The following FAM241A variants were observed in gnomAD, a reference collection of about 807,000 sequenced individuals.
FAM241A encodes family with sequence similarity 241 member A.
In FAM241A, 7 loss-of-function variants were observed where a neutral mutation model predicts 12.2. The observed-to-expected ratio is 0.58, with a 90% CI of 0.33 to 1.08. The LOEUF is 1.08. Ranked by LOEUF, FAM241A falls within the 50% of genes least tolerant of loss-of-function variation. The probability of loss-of-function intolerance (pLI) is 0.04; values close to 1 mark genes in which losing one functional copy is unlikely to be tolerated. For missense variants in FAM241A, 161 were observed against 169.7 expected, an observed-to-expected ratio of 0.95 and a Z score of 0.29; for synonymous variants, 74 against 68.2, an observed-to-expected ratio of 1.08 and a Z score of -0.42.
chr4:112,176,106 C>T (rs552759887), intron 1 of FAM241A, among the ~76,000 whole-genome samples: 4 of 152,264 alleles, frequency 2.6e-5, no homozygotes, highest in South Asian at 4.1e-4. Flanking sequence ...CCAATATTAA[C>T]GTGCACAAAT....
Position 112,187,085 on chromosome 4 carries a change from C to T in FAM241A, c.*147C>T. 2.5e-6 allele frequency: 2 copies of T among 792,972 alleles called. No homozygotes were observed. Among genetic ancestry groups the T allele is most frequent in the Non-Finnish European group, 2.0e-6 (1 of 491,024 alleles). The allele number at this position is 792,972 out of a possible 1,614,324, so 49.1% of individuals were successfully genotyped here. ...TGTAAGTAAATTTATACATGGATGT[C>T]ACTTAAAACTAAACTCTTGATCATA... On this transcript the variant is annotated 3_prime_UTR_variant, in exon 2 of 2. Transcript: ENST00000309733.
At position 112,179,602 on chromosome 4, in the gene FAM241A, A is replaced by G. The variant is rs1442268876; in HGVS notation, c.154-7091A>G. Among the ~76,000 whole-genome samples the G allele has an allele frequency of 2.0e-5, 3 of 152,178 alleles. No homozygotes were observed. In the East Asian group the frequency reaches 5.8e-4, roughly 29 times the overall value. ...AGGGATAGCATGAGGAGATATATCTAATGTAAATGACGAGTTAATGGGTGC... is the reference window on the plus strand; with the variant it reads ...AGGGATAGCATGAGGAGATATATCTGATGTAAATGACGAGTTAATGGGTGC... On this transcript the variant is annotated intron_variant, in intron 1 of 1. Transcript: ENST00000309733.
intron 1 of FAM241A, among the ~76,000 whole-genome samples, chr4:112,159,899 C>T (rs778259121): frequency 2.2e-4 from 33 of 152,178 alleles, no homozygotes; most frequent in East Asian, 1.4e-3. Context: ...ACCAGTGTTA[C>T]TCAACATAGT....
At chr4:112,169,829 T>C (rs1390646603) in intron 1 of FAM241A, among the ~76,000 whole-genome samples, 1 of 152,218 alleles carries the variant, frequency 6.6e-6, no homozygotes, top group African/African-American at 2.4e-5. Context: ...CCAGAGGCTT[T>C]TAAAATTCTG....
Position 112,194,021 on chromosome 4 carries a change from C to T in FAM241A, c.*7083C>T, listed in dbSNP as rs1196691077. 2 of 146,716 alleles carry T rather than the reference C, an allele frequency of 1.4e-5. No individual in the cohort carries two copies. 9.1% of individuals were successfully genotyped at this position (146,716 alleles called of 1,614,324 possible). A position where few individuals can be genotyped will look rare whatever the true frequency, so the allele number is the denominator to read the frequency against. ...CATTTGTTTGTATCCTCTTTTATTT[C>T]ATTGAGCAGTGGTTTGTAGTTCTCC... On this transcript the variant is annotated 3_prime_UTR_variant, in exon 2 of 2. Transcript: ENST00000309733.
chr4:112,184,089 C>A (rs1266095799), intron 1 of FAM241A, among the ~76,000 whole-genome samples: 1 of 152,072 alleles, frequency 6.6e-6, no homozygotes, highest in Non-Finnish European at 1.5e-5. Context: ...AACTGAAGTT[C>A]AGGAAAAGTG....
At position 112,188,859 on chromosome 4, in the gene FAM241A, T is replaced by G. The variant is rs1724098534; in HGVS notation, c.*1921T>G. The G allele has an allele frequency of 6.6e-6, 1 of 152,150 alleles. No individual in the cohort carries two copies. Among genetic ancestry groups the G allele is most frequent in the Non-Finnish European group, 1.5e-5 (1 of 68,014 alleles). 9.4% of individuals were successfully genotyped at this position (152,150 alleles called of 1,614,324 possible). A position where few individuals can be genotyped will look rare whatever the true frequency, so the allele number is the denominator to read the frequency against. On this transcript the variant is annotated 3_prime_UTR_variant, in exon 2 of 2. Transcript: ENST00000309733. ...CTGTCAGTACTGTACATCTGCACAC[T>G]GGTGTTAATAGGGTATATATTAAAT...
chr4:112,177,931 T>C (rs1473108044), intron 1 of FAM241A, among the ~76,000 whole-genome samples: 1 of 152,194 alleles, frequency 6.6e-6, no homozygotes, highest in Non-Finnish European at 1.5e-5. Context: ...GTTTTCTTTG[T>C]TTTAAATTTT....
intron 1 of FAM241A, chr4:112,171,581 C>A: frequency 3.0e-6 from 2 of 669,516 alleles, no homozygotes; most frequent in South Asian, 3.1e-5. Context: ...AGTTTATGGC[C>A]GGGTGCGGTG....
At chr4:112,159,526 C>T (rs2110423479) in intron 1 of FAM241A, among the ~76,000 whole-genome samples, 1 of 152,216 alleles carries the variant, frequency 6.6e-6, no homozygotes, top group Middle Eastern at 3.4e-3. Context: ...AGGTACAAAT[C>T]CTCAACAAAA....
At chr4:112,175,887 T>C (rs1038868183) in intron 1 of FAM241A, among the ~76,000 whole-genome samples, 1 of 152,096 alleles carries the variant, frequency 6.6e-6, no homozygotes, top group African/African-American at 2.4e-5. Context: ...CAAAGTTAAA[T>C]CAAGTAGAAT....
chr4:112,163,073 G>T (rs1723511938), intron 1 of FAM241A, among the ~76,000 whole-genome samples: 1 of 152,174 alleles, frequency 6.6e-6, no homozygotes, highest in Non-Finnish European at 1.5e-5. Context: ...ATTTCCTATT[G>T]AATAAATGGT....
At chr4:112,178,404 A>C (rs546874164) in intron 1 of FAM241A, among the ~76,000 whole-genome samples, 128 of 152,180 alleles carry the variant, frequency 8.4e-4, no homozygotes, top group Non-Finnish European at 1.6e-3. Flanking sequence ...ATCCAGTTTC[A>C]TTCTTCTGCA....
In FAM241A at chr4:112,145,669, G is replaced by A. The variant is rs1723120113; in HGVS notation, c.89G>A (p.Gly30Glu). The A allele has an allele frequency of 2.5e-6, 3 of 1,214,768 alleles. No individual in the cohort carries two copies. Among genetic ancestry groups the A allele is most frequent in the Non-Finnish European group, 2.0e-6 (2 of 976,624 alleles). 75.2% of individuals were successfully genotyped at this position (1,214,768 alleles called of 1,614,324 possible). ...GCGCTGGCGGAGCGGGAGGCGGCAG[G>A]GACCGGGTGGGATCCCGGGGCGAGC... ...GDALAEREAA[G>E]TGWDPGASPR... Residue 30 changes from glycine to glutamate, a missense_variant, in exon 1 of 2, where the codon GGG (glycine) becomes GAG (glutamate). Gly to Glu is a moderately conservative substitution (Grantham distance 98). Transcript: ENST00000309733.
chr4:112,168,684 G>C (rs2110428547), intron 1 of FAM241A, among the ~76,000 whole-genome samples: 1 of 151,800 alleles, frequency 6.6e-6, no homozygotes, highest in African/African-American at 2.4e-5. Flanking sequence ...TTTAATTTGA[G>C]ACAGTGTTTG....
At position 112,194,421 on chromosome 4, in the gene FAM241A, T is replaced by C. The variant is rs1441887864; in HGVS notation, c.*7483T>C. 1 of 150,424 alleles carries C rather than the reference T, an allele frequency of 6.6e-6. No homozygotes were observed. The highest frequency in any genetic ancestry group is 1.5e-5 in the Non-Finnish European group (1 of 67,010). 9.3% of individuals were successfully genotyped at this position (150,424 alleles called of 1,614,324 possible). ...GTGGTGAGAGAGGGCATCCCTGTCT[T>C]GTGCCAGTTTTCAAAGGGAATGCTT... On this transcript the variant is annotated 3_prime_UTR_variant, in exon 2 of 2. Coordinates refer to ENST00000309733, the MANE Select transcript of FAM241A (RefSeq NM_152400.3).
At chr4:112,180,800 C>T (rs1268033065) in intron 1 of FAM241A, among the ~76,000 whole-genome samples, 3 of 152,136 alleles carry the variant, frequency 2.0e-5, no homozygotes, top group Non-Finnish European at 2.9e-5. Context: ...GAAATAGATT[C>T]TCTTGAGCCT....
intron 1 of FAM241A, among the ~76,000 whole-genome samples, chr4:112,176,807 GTA>G (rs1723831014): frequency 3.0e-5 from 2 of 67,196 alleles, no homozygotes; most frequent in Non-Finnish European, 3.1e-5. Context: ...AGTACTCTCT[GTA>G]TAACCACAAA....
At chr4:112,171,902 C>A (rs1560583711) in intron 1 of FAM241A, among the ~76,000 whole-genome samples, 2 of 151,878 alleles carry the variant, frequency 1.3e-5, no homozygotes, top group African/African-American at 4.8e-5. Context: ...AGTTTATATT[C>A]AAAAAAAGTA....
Sources: allele counts gnomAD v4.1 joint callset (sites outside exome capture counted in the v4.1 genomes callset), GRCh38; gene constraint gnomAD v4.1.1; transcripts MANE v1.5; gene names NCBI Gene and HGNC (gene_info 2026-07-23, HGNC 2026-07-21).